The following CSMD1 variants were observed in gnomAD, a reference collection of about 807,000 sequenced individuals.
The protein encoded by CSMD1 is CUB and sushi domain-containing protein 1.
A neutral mutation model predicts 417.5 loss-of-function variants in CSMD1; 213 were observed. That is an observed-to-expected ratio of 0.51 (90% CI 0.46 to 0.57). The LOEUF (loss-of-function observed/expected upper bound fraction) is 0.57. Among genes scored for constraint, CSMD1 ranks in the 20% least tolerant of loss-of-function variants. CSMD1 has a pLI of 0.00. For missense variants in CSMD1, 6,923 were observed against 4,529.7 expected (o/e 1.53, Z -15.17); for synonymous variants, 2,862 against 1,736.8 (o/e 1.65, Z -16.11).
intron 2 of CSMD1, among the ~76,000 whole-genome samples, chr8:4,453,082 C>T (rs1011034818): frequency 3.3e-5 from 5 of 152,034 alleles, no homozygotes; most frequent in Non-Finnish European, 7.4e-5. Context: ...ATAAGCTCTC[C>T]TGGGGCTATA....
intron 5 of CSMD1, among the ~76,000 whole-genome samples, chr8:3,816,639 G>C (rs1037199982): frequency 6.6e-6 from 1 of 152,060 alleles, no homozygotes; most frequent in Non-Finnish European, 1.5e-5. Flanking sequence ...TAATTTGGAT[G>C]TTTCTAACAT....
At chr8:4,194,116 A>G (rs991484584) in intron 3 of CSMD1, among the ~76,000 whole-genome samples, 6 of 152,206 alleles carry the variant, frequency 3.9e-5, no homozygotes, top group African/African-American at 1.2e-4. Flanking sequence ...CATACGTTCA[A>G]CAAAGAATGC....
intron 23 of CSMD1, among the ~76,000 whole-genome samples, chr8:3,338,563 G>C (rs558685795): frequency 6.6e-6 from 1 of 152,150 alleles, no homozygotes; most frequent in Non-Finnish European, 1.5e-5. Flanking sequence ...CTATTTCCCT[G>C]TCTTTAAATT....
intron 2 of CSMD1, among the ~76,000 whole-genome samples, chr8:4,446,342 G>A (rs570860063): frequency 2.6e-5 from 4 of 152,118 alleles, no homozygotes; most frequent in Non-Finnish European, 4.4e-5. Context: ...GAGCCCAGGA[G>A]TTTGAAACCA....
At chr8:3,763,130 CA>C (rs1798100311) in intron 5 of CSMD1, among the ~76,000 whole-genome samples, 1 of 152,208 alleles carries the variant, frequency 6.6e-6, no homozygotes, top group Non-Finnish European at 1.5e-5. Flanking sequence ...ACTCAATGCA[CA>C]TTGGCTGAAT....
intron 9 of CSMD1, among the ~76,000 whole-genome samples, chr8:3,585,217 T>C (rs1349619070): frequency 6.6e-6 from 1 of 152,234 alleles, no homozygotes; most frequent in African/African-American, 2.4e-5. Context: ...GTTTGGTAAC[T>C]AGTTATTTTC....
chr8:4,084,337 A>G (rs1800306858), intron 3 of CSMD1, among the ~76,000 whole-genome samples: 1 of 152,068 alleles, frequency 6.6e-6, no homozygotes, highest in Non-Finnish European at 1.5e-5. Flanking sequence ...AAAAAAGAAA[A>G]AAAAAAACAA....
At chr8:3,698,561 A>T (rs1238264446) in intron 7 of CSMD1, among the ~76,000 whole-genome samples, 10 of 152,240 alleles carry the variant, frequency 6.6e-5, no homozygotes, top group African/African-American at 2.2e-4. Flanking sequence ...GCAGTGTTAG[A>T]AATCACTCTG....
intron 37 of CSMD1, among the ~76,000 whole-genome samples, chr8:3,174,620 CTTAA>C (rs1233266542): frequency 1.3e-5 from 2 of 152,180 alleles, no homozygotes; most frequent in Non-Finnish European, 2.9e-5. Context: ...GCTTATCTCT[CTTAA>C]TTACTGTTTT....
At chr8:4,977,254 T>C (rs1462717591) in intron 1 of CSMD1, among the ~76,000 whole-genome samples, 2 of 152,204 alleles carry the variant, frequency 1.3e-5, no homozygotes, top group African/African-American at 4.8e-5. Context: ...AGCAAAACTC[T>C]TTCTGCAAAG....
intron 5 of CSMD1, among the ~76,000 whole-genome samples, chr8:3,978,311 C>A (rs1337127930): frequency 6.6e-6 from 1 of 152,198 alleles, no homozygotes; most frequent in Admixed American, 6.5e-5. Flanking sequence ...ACAAAAACAA[C>A]TGTTCCCACA....
intron 3 of CSMD1, among the ~76,000 whole-genome samples, chr8:4,313,507 GA>G (rs34466873): frequency 0.075 from 10,241 of 136,750 alleles, 548 homozygotes; most frequent in East Asian, 0.18. Context: ...ATGTCAAAAT[GA>G]AAAAAAAAAA....
chr8:3,234,742 C>T (rs1186692624), intron 26 of CSMD1, among the ~76,000 whole-genome samples: 1 of 152,210 alleles, frequency 6.6e-6, no homozygotes, highest in Non-Finnish European at 1.5e-5. Context: ...ATAAGCCACA[C>T]ATTTTTCTAA....
chr8:3,733,797 A>T (rs117912750), intron 6 of CSMD1, among the ~76,000 whole-genome samples: 11,403 of 152,260 alleles, frequency 0.075, 497 homozygotes, highest in East Asian at 0.14. Flanking sequence ...GGATACTTGC[A>T]TACTGTTAGA....
intron 5 of CSMD1, among the ~76,000 whole-genome samples, chr8:3,889,825 CTTT>C (rs1806834505): frequency 6.6e-6 from 1 of 151,980 alleles, no homozygotes; most frequent in African/African-American, 2.4e-5. Flanking sequence ...CTTTATTTCT[CTTT>C]TGACTATTTT....
chr8:3,306,924 A>C (rs896710264), intron 25 of CSMD1, among the ~76,000 whole-genome samples: 1 of 152,162 alleles, frequency 6.6e-6, no homozygotes, highest in Admixed American at 6.5e-5. Flanking sequence ...TTGGAATAGA[A>C]CACTTTTTGT....
At chr8:3,231,676 TA>T (rs1798848182) in intron 26 of CSMD1, among the ~76,000 whole-genome samples, 1 of 152,166 alleles carries the variant, frequency 6.6e-6, no homozygotes, top group Non-Finnish European at 1.5e-5. Context: ...GAGAAAATGT[TA>T]AACTGTGCAG....
At chr8:3,476,303 G>A (rs947238688) in intron 11 of CSMD1, among the ~76,000 whole-genome samples, 5 of 152,130 alleles carry the variant, frequency 3.3e-5, no homozygotes, top group African/African-American at 7.2e-5. Context: ...TTGTTTTTGG[G>A]AGTAATGATT....
chr8:3,756,628 T>C (rs1278745468), intron 5 of CSMD1, among the ~76,000 whole-genome samples: 1 of 152,170 alleles, frequency 6.6e-6, no homozygotes, highest in South Asian at 2.1e-4. Flanking sequence ...TTCCATTTCA[T>C]ATGGTGATAG....
Sources: gnomAD v4.1 joint callset for allele counts (sites outside exome capture counted in the v4.1 genomes callset) on GRCh38, gnomAD v4.1.1 for gene constraint, MANE v1.5 for transcripts, NCBI Gene and HGNC (gene_info 2026-07-23, HGNC 2026-07-21) for gene names.